INCENP: variants seen among roughly 807,000 people sequenced by gnomAD.
INCENP encodes the protein inner centromere protein, also known as binds and activates aurora-B and -C in vivo and in vitro.
INCENP carries 43 observed loss-of-function variants against 107.3 expected under a neutral mutation model. The observed-to-expected ratio is 0.40, with a 90% CI of 0.31 to 0.52. INCENP has a LOEUF of 0.52. Ranked by LOEUF, INCENP falls within the 20% of genes least tolerant of loss-of-function variation. The pLI, the probability that INCENP is intolerant of heterozygous loss-of-function variation, is 0.53. For missense variants in INCENP, 1,089 were observed against 1,250.9 expected (o/e 0.87, Z 1.95); for synonymous variants, 488 against 494.4 (o/e 0.99, Z 0.17).
Position 62,130,084 on chromosome 11 carries a change from T to A in INCENP, c.557T>A (p.Leu186His). The change falls in exon 4 of 19, where the codon CTC becomes CAC. Residue 186 changes from leucine (L) to histidine (H), a missense_variant. Leu to His is a moderately conservative substitution (Grantham distance 99). Coordinates refer to ENST00000394818, the MANE Select transcript of INCENP (RefSeq NM_001040694.2). The part of the protein sequence containing the change: ...RQNAEQHVTQ[L>H]MSTEPLPRTL... ...AATGCTGAGCAGCATGTCACCCAGC[T>A]CATGTCCACCGAGCCTCTGCCCCGC... The A allele has an allele frequency of 6.2e-7, 1 of 1,613,378 alleles. No homozygotes were observed. The highest frequency in any genetic ancestry group is 1.1e-5 in the South Asian group (1 of 91,068).
chr11:62,130,107 C>T lies in INCENP; in HGVS notation c.580C>T (p.Arg194Cys), dbSNP rs148478726. Residue 194 changes from arginine (R) to cysteine (C), a missense_variant, in exon 4 of 19, where the codon CGC becomes TGC. Transcript: ENST00000394818. The stretch of plus-strand genomic sequence containing the variant: ...GCTCATGTCCACCGAGCCTCTGCCC[C>T]GCACTCTGTCCCCGACTCCAGCTTC... ...TQLMSTEPLP[R>C]TLSPTPASAT... The T allele has an allele frequency of 7.4e-5, 120 of 1,613,484 alleles. No homozygotes were observed. Among genetic ancestry groups the T allele is most frequent in the African/African-American group, 6.3e-4 (47 of 74,896 alleles).
Position 62,137,883 on chromosome 11 carries a change from G to C in INCENP, c.1115G>C (p.Gly372Ala). The C allele has an allele frequency of 1.2e-6, 2 of 1,613,926 alleles. No individual in the cohort carries two copies. The highest frequency in any genetic ancestry group is 1.7e-6 in the Non-Finnish European group (2 of 1,179,820). Residue 372 changes from glycine (G) to alanine (A), a missense_variant and splice_region_variant, in exon 5 of 19, where the codon GGT becomes GCT. Coordinates refer to ENST00000394818, the MANE Select transcript of INCENP (RefSeq NM_001040694.2). ...AATGTTGAGGTGCCCCAGAAAGTTGGGTGAGTTCAGTTCCAGGGCTTCGGA... is the reference window on the plus strand; with the variant it reads ...AATGTTGAGGTGCCCCAGAAAGTTGCGTGAGTTCAGTTCCAGGGCTTCGGA... ...LLNVEVPQKV[G>A]SEQKEPPEEA...
chr11:62,129,844 G>C lies in INCENP; in HGVS notation c.317G>C (p.Ser106Thr). ...TCCCGACGCCTCCGCAGCAAGGACA[G>C]TGTAGAGAAGCTGGCTACAGTGGTC... ...LSSRRLRSKDSVEKLATVVGE... is the reference protein window; with the variant it reads ...LSSRRLRSKDTVEKLATVVGE... The change falls in exon 4 of 19, where the codon AGT (serine) becomes ACT (threonine). Residue 106 changes from serine (S) to threonine (T), a missense_variant. Coordinates refer to ENST00000394818, the MANE Select transcript of INCENP (RefSeq NM_001040694.2). The C allele has an allele frequency of 6.2e-7, 1 of 1,612,954 alleles. No individual in the cohort carries two copies. The highest frequency in any genetic ancestry group is 8.5e-7 in the Non-Finnish European group (1 of 1,180,032).
At chr11:62,150,483 GC>G (rs1944350980) in intron 18 of INCENP, among the ~76,000 whole-genome samples, 1 of 152,184 alleles carries the variant, frequency 6.6e-6, no homozygotes, top group Admixed American at 6.5e-5. Context: ...GGCATATGCT[GC>G]TGGGTGTCCT....
chr11:62,129,365 C>T (rs1476187701), intron 3 of INCENP, among the ~76,000 whole-genome samples: 2 of 152,132 alleles, frequency 1.3e-5, no homozygotes, highest in Admixed American at 6.5e-5. Flanking sequence ...CAGAGCAGTA[C>T]GGCTTTGAAT....
At chr11:62,148,894 T>C (rs757165392) in intron 17 of INCENP, 48 bp downstream of exon 17, 1 of 1,214,404 alleles carries the variant, frequency 8.2e-7, no homozygotes, top group Non-Finnish European at 1.2e-6. Flanking sequence ...AGGGGCCCAC[T>C]CTATTCTCTT....
rs201934305 is a variant in INCENP, at chr11:62,150,112, A to C, written c.2447A>C (p.Lys816Thr). Residue 816 changes from lysine (K) to threonine (T), a missense_variant, in exon 18 of 19, where the codon AAG becomes ACG. Coordinates refer to ENST00000394818, the MANE Select transcript of INCENP (RefSeq NM_001040694.2). ...CCGCAAGGGCACAGGGCCCCTCCCA[A>C]GATCAACCCAGATAACTACGGGATG... ...MTPQGHRAPP[K>T]INPDNYGMDL... 6.9e-5 allele frequency: 112 copies of C among 1,614,058 alleles called. 1 individual carries two copies. The East Asian group carries it at 2.5e-3, about 35-fold the overall frequency.
At chr11:62,126,266 G>A (rs1158774938) in intron 1 of INCENP, among the ~76,000 whole-genome samples, 1 of 151,350 alleles carries the variant, frequency 6.6e-6, no homozygotes, top group Non-Finnish European at 1.5e-5. Flanking sequence ...TGTGATCTTG[G>A]CTCATTGCAG....
At chr11:62,148,669 G>T in intron 16 of INCENP, 70 bp from the exon 17 acceptor site, 1 of 1,413,550 alleles carries the variant, frequency 7.1e-7, no homozygotes, top group Admixed American at 2.2e-5. Context: ...AGAATGGAGC[G>T]GAGGGAAGGG....
rs1456078302 is a variant in INCENP, at chr11:62,130,505, C to T, written c.978C>T (p.Ala326=). The change falls in exon 4 of 19, where the codon GCC becomes GCT. Residue 326 remains alanine (A), a synonymous_variant. Coordinates refer to ENST00000394818, the MANE Select transcript of INCENP (RefSeq NM_001040694.2). The part of the protein sequence containing the change: ...QVLAQKYSLV[A]KQESVVRRAS... Reference sequence around the variant, plus strand: ...TAGCCCAGAAGTACTCTCTGGTGGCCAAACAGGAAAGTGTTGTCCGCAGGG... The same window carrying T: ...TAGCCCAGAAGTACTCTCTGGTGGCTAAACAGGAAAGTGTTGTCCGCAGGG... The T allele has an allele frequency of 6.2e-7, 1 of 1,614,120 alleles. No individual in the cohort carries two copies. The highest frequency in any genetic ancestry group is 8.5e-7 in the Non-Finnish European group (1 of 1,180,048).
At position 62,153,055 on chromosome 11, in the gene INCENP, A is replaced by C. The variant is rs1194520299; in HGVS notation, c.*1079A>C. ...GTTGCTCTGCTCCGAGGGCAGTGTTAAGTTGTGCAGCAGAGGCCCCTCCAT... is the reference window on the plus strand; with the variant it reads ...GTTGCTCTGCTCCGAGGGCAGTGTTCAGTTGTGCAGCAGAGGCCCCTCCAT... On this transcript the variant is annotated 3_prime_UTR_variant, in exon 19 of 19. Coordinates refer to ENST00000394818, the MANE Select transcript of INCENP (RefSeq NM_001040694.2). 1.3e-5 allele frequency: 2 copies of C among 152,224 alleles called. No individual in the cohort carries two copies. Among genetic ancestry groups the C allele is most frequent in the Non-Finnish European group, 2.9e-5 (2 of 68,036 alleles). 9.4% of individuals were successfully genotyped at this position (152,224 alleles called of 1,614,324 possible).
At position 62,145,235 on chromosome 11, in the gene INCENP, G is replaced by A; in HGVS notation, c.1782G>A (p.Glu594=). 6.2e-7 allele frequency: 1 copy of A among 1,614,114 alleles called. No homozygotes were observed. The highest frequency in any genetic ancestry group is 8.5e-7 in the Non-Finnish European group (1 of 1,180,030). The change falls in exon 13 of 19, where the codon GAG becomes GAA. Residue 594 remains glutamate, a synonymous_variant. Transcript: ENST00000394818. ...ARERVEQMKE[E]KKKQIEQKFA... ...AGCGGGTGGAGCAGATGAAGGAGGA[G>A]AAGAAGAAGCAGATTGAGCAGAAGT... is the stretch of plus-strand genomic sequence containing the variant.
chr11:62,138,798 A>T (rs369786407), intron 6 of INCENP, 28 bp downstream of exon 6: 1 of 1,611,834 alleles, frequency 6.2e-7, no homozygotes, highest in Non-Finnish European at 8.5e-7. Flanking sequence ...GGAAGGGAGG[A>T]CTCACCTCTG....
chr11:62,137,672 T>A (rs1944021164), intron 4 of INCENP, among the ~76,000 whole-genome samples, 160 bp from the exon 5 acceptor site: 1 of 152,090 alleles, frequency 6.6e-6, no homozygotes, highest in Non-Finnish European at 1.5e-5. Context: ...AGGACACTAG[T>A]ATGAGTGCTG....
Position 62,151,756 on chromosome 11 carries a change from C to A in INCENP, c.2543-6C>A, listed in dbSNP as rs758500108. Reference sequence around the variant, plus strand: ...AAGGCAGTGTCTGGTCTGTGGTCTCCTGCAGGCACCCCGCTCAGCCAGGCT... The same window carrying A: ...AAGGCAGTGTCTGGTCTGTGGTCTCATGCAGGCACCCCGCTCAGCCAGGCT... On this transcript the variant is annotated splice_polypyrimidine_tract_variant and splice_region_variant and intron_variant, in intron 18 of 18. Coordinates refer to ENST00000394818, the MANE Select transcript of INCENP (RefSeq NM_001040694.2). The A allele has an allele frequency of 5.0e-6, 8 of 1,613,644 alleles. No homozygotes were observed. Among genetic ancestry groups the A allele is most frequent in the Non-Finnish European group, 5.9e-6 (7 of 1,179,810 alleles).
chr11:62,129,009 C>T (rs2134613108), intron 3 of INCENP, 126 bp downstream of exon 3: 2 of 680,670 alleles, frequency 2.9e-6, no homozygotes, highest in East Asian at 5.4e-5. Flanking sequence ...GTGGGTACCA[C>T]CGCGGGTACT....
Position 62,130,298 on chromosome 11 carries a change from C to T in INCENP, c.771C>T (p.Leu257=), listed in dbSNP as rs1460401508. 6 of 1,611,800 alleles carry T rather than the reference C, an allele frequency of 3.7e-6. No homozygotes were observed. The Middle Eastern group carries it at 6.6e-4, about 177-fold the overall frequency. Residue 257 remains leucine, a synonymous_variant, in exon 4 of 19, where the codon CTC becomes CTT. Coordinates refer to ENST00000394818, the MANE Select transcript of INCENP (RefSeq NM_001040694.2). ...GVGTGRSASK[L]RIAQVSPGPR... is the part of the protein sequence containing the mutation. ...GGACGGGGCGGTCTGCGTCTAAGCT[C>T]AGGATTGCGCAGGTCTCCCCTGGCC... is the stretch of plus-strand genomic sequence containing the variant.
chr11:62,149,827 C>A (rs1944334421), intron 17 of INCENP, among the ~76,000 whole-genome samples: 1 of 152,012 alleles, frequency 6.6e-6, no homozygotes, highest in South Asian at 2.1e-4. Context: ...AAAGCTGAGG[C>A]ATGAGAATCT....
intron 8 of INCENP, among the ~76,000 whole-genome samples, 196 bp downstream of exon 8, chr11:62,140,481 C>T (rs1260364118): frequency 1.3e-5 from 2 of 152,186 alleles, no homozygotes; most frequent in Non-Finnish European, 2.9e-5. Flanking sequence ...TAGGGCGACC[C>T]GATTGTTGAC....
Sources: allele counts gnomAD v4.1 joint callset (sites outside exome capture counted in the v4.1 genomes callset), GRCh38; gene constraint gnomAD v4.1.1; transcripts MANE v1.5; gene names NCBI Gene and HGNC (gene_info 2026-07-23, HGNC 2026-07-21).